The following DLG2 variants were observed in gnomAD, a reference collection of about 807,000 sequenced individuals.
DLG2 encodes the protein discs large MAGUK scaffold protein 2.
A neutral mutation model predicts 132.5 loss-of-function variants in DLG2; 45 were observed. The observed-to-expected ratio is 0.34, with a 90% CI of 0.27 to 0.44. DLG2 has a LOEUF of 0.44. Ranked by LOEUF, DLG2 falls within the 20% of genes least tolerant of loss-of-function variation. DLG2 has a pLI of 1.00. For synonymous variants in DLG2, 424 were observed against 419.6 expected (o/e 1.01, Z -0.13); for missense variants, 1,045 against 1,196.9 (o/e 0.87, Z 1.87).
chr11:83,785,220 AT>A (rs1197267758), intron 18 of DLG2, among the ~76,000 whole-genome samples: 2 of 151,790 alleles, frequency 1.3e-5, no homozygotes, highest in Non-Finnish European at 2.9e-5. Flanking sequence ...ACATCTGGCT[AT>A]TTTTTTGTAT....
intron 6 of DLG2, among the ~76,000 whole-genome samples, chr11:84,660,971 C>G (rs2099693873): frequency 6.6e-6 from 1 of 152,124 alleles, no homozygotes; most frequent in Non-Finnish European, 1.5e-5. Flanking sequence ...GAATACATTA[C>G]AGTTTAATGT....
chr11:85,358,720 A>C (rs546965331), intron 3 of DLG2, among the ~76,000 whole-genome samples: 20 of 152,206 alleles, frequency 1.3e-4, no homozygotes, highest in Non-Finnish European at 2.4e-4. Flanking sequence ...TGAATCTTAA[A>C]TTCTTTCAAA....
chr11:83,891,946 A>G (rs2070034087), intron 15 of DLG2, among the ~76,000 whole-genome samples: 1 of 152,198 alleles, frequency 6.6e-6, no homozygotes, highest in Non-Finnish European at 1.5e-5. Flanking sequence ...GACATCTGCA[A>G]TCTGAATCTT....
intron 18 of DLG2, among the ~76,000 whole-genome samples, chr11:83,747,940 G>T (rs2093035278): frequency 1.3e-5 from 2 of 152,102 alleles, no homozygotes; most frequent in Non-Finnish European, 2.9e-5. Context: ...ATAATCATAT[G>T]ACATAGGTAT....
At chr11:84,894,273 G>GTA (rs2089878717) in intron 6 of DLG2, among the ~76,000 whole-genome samples, 1 of 152,138 alleles carries the variant, frequency 6.6e-6, no homozygotes, top group Non-Finnish European at 1.5e-5. Flanking sequence ...TAGGAGGACA[G>GTA]TATTTAAAAA....
chr11:84,892,227 A>G (rs2089510351), intron 6 of DLG2, among the ~76,000 whole-genome samples: 1 of 152,208 alleles, frequency 6.6e-6, no homozygotes, highest in African/African-American at 2.4e-5. Flanking sequence ...GAATAGTGAC[A>G]AATGGCCAGA....
At chr11:85,208,693 G>A (rs1452271244) in intron 4 of DLG2, among the ~76,000 whole-genome samples, 1 of 152,036 alleles carries the variant, frequency 6.6e-6, no homozygotes, top group Non-Finnish European at 1.5e-5. Flanking sequence ...TTTCAGTTAA[G>A]GGACTAATAT....
chr11:84,766,954 T>C (rs1330843272), intron 6 of DLG2, among the ~76,000 whole-genome samples: 1 of 152,114 alleles, frequency 6.6e-6, no homozygotes, highest in Non-Finnish European at 1.5e-5. Context: ...ACCATGTGCA[T>C]CTCACTATGT....
intron 8 of DLG2, among the ~76,000 whole-genome samples, chr11:84,217,800 C>T (rs2154319941): frequency 6.6e-6 from 1 of 152,238 alleles, no homozygotes; most frequent in South Asian, 2.1e-4. Flanking sequence ...GGCTAGGAAA[C>T]ATGTTTTCAG....
chr11:84,601,057 G>A (rs1485756583), intron 6 of DLG2, among the ~76,000 whole-genome samples: 1 of 152,106 alleles, frequency 6.6e-6, no homozygotes, highest in Non-Finnish European at 1.5e-5. Context: ...ATGTATAAAG[G>A]TAGTGATCTA....
chr11:85,102,432 G>A (rs349087), intron 6 of DLG2, among the ~76,000 whole-genome samples: 54,688 of 151,752 alleles, frequency 0.36, 10,303 homozygotes, highest in East Asian at 0.65. Context: ...ATAGCCCAGA[G>A]AAAGTCAGGC....
At chr11:85,163,380 C>T (rs1394693636) in intron 4 of DLG2, among the ~76,000 whole-genome samples, 4 of 152,070 alleles carry the variant, frequency 2.6e-5, no homozygotes, top group Non-Finnish European at 4.4e-5. Context: ...CTCTGAAGAA[C>T]TCTAATTGGC....
intron 4 of DLG2, among the ~76,000 whole-genome samples, chr11:85,261,897 G>A (rs1310003132): frequency 1.3e-5 from 2 of 152,110 alleles, no homozygotes; most frequent in African/African-American, 4.8e-5. Context: ...GATGGAGTAG[G>A]TGTAGTTGAA....
chr11:83,511,085 CAG>C (rs1272747642), intron 21 of DLG2, among the ~76,000 whole-genome samples: 29 of 136,508 alleles, frequency 2.1e-4, no homozygotes, highest in African/African-American at 8.7e-4. Context: ...CACACACACA[CAG>C]ACACACACAC....
chr11:85,044,302 T>C (rs2062120827), intron 6 of DLG2, among the ~76,000 whole-genome samples: 1 of 152,014 alleles, frequency 6.6e-6, no homozygotes, highest in South Asian at 2.1e-4. Flanking sequence ...CACTATACTA[T>C]CACTGCCTAG....
At chr11:83,819,657 T>C (rs2153978821) in intron 17 of DLG2, among the ~76,000 whole-genome samples, 1 of 152,216 alleles carries the variant, frequency 6.6e-6, no homozygotes, top group South Asian at 2.1e-4. Flanking sequence ...GCAATAAATG[T>C]TCCTGGAATA....
chr11:84,681,480 G>A (rs1306719300), intron 6 of DLG2, among the ~76,000 whole-genome samples: 1 of 152,178 alleles, frequency 6.6e-6, no homozygotes, highest in East Asian at 1.9e-4. Context: ...ACATTAGGAA[G>A]TGGGGGGTAC....
At chr11:84,451,450 G>A (rs1310062775) in intron 7 of DLG2, among the ~76,000 whole-genome samples, 2 of 151,706 alleles carry the variant, frequency 1.3e-5, no homozygotes, top group African/African-American at 4.8e-5. Flanking sequence ...GGGAGCTTAT[G>A]CTGTGCCTAG....
intron 16 of DLG2, among the ~76,000 whole-genome samples, chr11:83,848,321 AT>A (rs1162913254): frequency 6.6e-6 from 1 of 152,090 alleles, no homozygotes; most frequent in East Asian, 1.9e-4. Flanking sequence ...TGGTACAGAT[AT>A]TTTTTGAATA....
Sources: gnomAD v4.1 joint callset for allele counts (sites outside exome capture counted in the v4.1 genomes callset) on GRCh38, gnomAD v4.1.1 for gene constraint, MANE v1.5 for transcripts, NCBI Gene and HGNC (gene_info 2026-07-23, HGNC 2026-07-21) for gene names.